The following OSBPL10 variants were observed in gnomAD, a reference collection of about 807,000 sequenced individuals.
The protein encoded by OSBPL10 is oxysterol binding protein like 10, also known as oxysterol-binding protein-related protein 10.
A neutral mutation model predicts 81.7 loss-of-function variants in OSBPL10; 49 were observed. That is an observed-to-expected ratio of 0.60 (90% CI 0.48 to 0.76). The LOEUF (loss-of-function observed/expected upper bound fraction) is 0.76. Among genes scored for constraint, OSBPL10 ranks in the 30% least tolerant of loss-of-function variants. The pLI, the probability that OSBPL10 is intolerant of heterozygous loss-of-function variation, is 0.00. For synonymous variants in OSBPL10, 419 were observed against 383.6 expected (o/e 1.09, Z -1.08); for missense variants, 923 against 987.8 (o/e 0.93, Z 0.88).
At chr3:31,857,501 C>A (rs551394483) in intron 3 of OSBPL10, among the ~76,000 whole-genome samples, 1 of 151,790 alleles carries the variant, frequency 6.6e-6, no homozygotes, top group Admixed American at 6.6e-5. Flanking sequence ...GAAGATAAAA[C>A]GACCAACTCA....
In OSBPL10 at chr3:32,065,995, GAAAGAAAGAA is replaced by G. The variant is rs1699775340; in HGVS notation, n.185+11391_185+11400del. ...AGAAAGAAAGAAAGAAAGAAAGAAA[GAAAGAAAGAA>G]AGAGAAAGAAAGAAAGAAAGAGAGA... On this transcript the variant is annotated intron_variant and non_coding_transcript_variant, in intron 1 of 3. Transcript: ENST00000479173. Among the ~76,000 whole-genome samples the G allele has an allele frequency of 3.2e-5, 2 of 63,386 alleles. 1 individual carries two copies. The highest frequency in any genetic ancestry group is 7.4e-5 in the African/African-American group (2 of 26,982). 41.6% of individuals were successfully genotyped at this position (63,386 alleles called of 152,430 possible). A position where few individuals can be genotyped will look rare whatever the true frequency, so the allele number is the denominator to read the frequency against.
intron 1 of OSBPL10, among the ~76,000 whole-genome samples, chr3:31,908,310 C>T (rs550843193): frequency 6.6e-6 from 1 of 152,260 alleles, no homozygotes; most frequent in South Asian, 2.1e-4. Flanking sequence ...TAGCAGCTCA[C>T]TCTAGAATGA....
At chr3:31,889,443 A>ATACACAATG (rs1365913402) in intron 1 of OSBPL10, among the ~76,000 whole-genome samples, 1 of 152,214 alleles carries the variant, frequency 6.6e-6, no homozygotes, top group Non-Finnish European at 1.5e-5. Context: ...TGTGGTCTAT[A>ATACACAATG]TACACAATGA....
chr3:31,719,759 T>C (rs1902346), intron 6 of OSBPL10, among the ~76,000 whole-genome samples: 83,689 of 151,932 alleles, frequency 0.55, 25,562 homozygotes, highest in African/African-American at 0.82. Flanking sequence ...TAAGTGTACA[T>C]AATATATGTA....
intron 1 of OSBPL10, among the ~76,000 whole-genome samples, chr3:31,925,581 C>T (rs1003230962): frequency 3.3e-5 from 5 of 151,490 alleles, no homozygotes; most frequent in Admixed American, 2.0e-4. Flanking sequence ...GGGAGGCCAA[C>T]GTGGGGAGAT....
chr3:31,843,972 G>A (rs1700567316), intron 3 of OSBPL10, among the ~76,000 whole-genome samples: 1 of 152,176 alleles, frequency 6.6e-6, no homozygotes, highest in Non-Finnish European at 1.5e-5. Context: ...CAAGGGACAG[G>A]GATGCTAGGG....
chr3:31,996,017 A>G lies in OSBPL10; in HGVS notation n.298+50474T>C, dbSNP rs72854179. Among the ~76,000 whole-genome samples the G allele has an allele frequency of 9.5e-3, 1,440 of 152,274 alleles. 27 individuals are homozygous for G. The highest frequency in any genetic ancestry group is 0.032 in the African/African-American group (1,327 of 41,556). Reference sequence around the variant, plus strand: ...TTTCTGAGAAGGAAAATGAAACTCAAAAAAAGGAGACTCCCAGGGTCACAC... The same window carrying G: ...TTTCTGAGAAGGAAAATGAAACTCAGAAAAAGGAGACTCCCAGGGTCACAC... On this transcript the variant is annotated intron_variant and non_coding_transcript_variant, in intron 2 of 3. Coordinates refer to the OSBPL10 transcript ENST00000479173.
intron 8 of OSBPL10, among the ~76,000 whole-genome samples, chr3:31,681,961 G>A (rs761115534): frequency 6.6e-6 from 1 of 152,052 alleles, no homozygotes; most frequent in African/African-American, 2.4e-5. Flanking sequence ...CAGCCCTCAA[G>A]TCTCCCCATC....
intron 4 of OSBPL10, among the ~76,000 whole-genome samples, chr3:31,813,950 C>T (rs1277146748): frequency 2.6e-5 from 4 of 152,300 alleles, no homozygotes; most frequent in Middle Eastern, 3.4e-3. Context: ...AGGAATACAC[C>T]GAGTGGACAC....
chr3:32,075,992 T>A (rs995006801), intron 1 of OSBPL10, among the ~76,000 whole-genome samples: 1 of 152,108 alleles, frequency 6.6e-6, no homozygotes, highest in African/African-American at 2.4e-5. Context: ...ATTCTCCCCA[T>A]CCTTGAGAAT....
intron 1 of OSBPL10, among the ~76,000 whole-genome samples, chr3:31,948,301 C>A (rs1697761897): frequency 6.6e-6 from 1 of 152,128 alleles, no homozygotes; most frequent in African/African-American, 2.4e-5. Context: ...GTCTTTTCAT[C>A]TTTCCATCTC....
At chr3:31,676,395 CA>C (rs1453648481) in intron 8 of OSBPL10, among the ~76,000 whole-genome samples, 147 of 140,874 alleles carry the variant, frequency 1.0e-3, no homozygotes, top group East Asian at 4.2e-3. Flanking sequence ...TAAGAGAAGC[CA>C]AAAAAAAAAA....
At chr3:31,998,580 T>C (rs1387192922) in intron 2 of OSBPL10, among the ~76,000 whole-genome samples, 3 of 152,232 alleles carry the variant, frequency 2.0e-5, no homozygotes, top group African/African-American at 4.8e-5. Flanking sequence ...TCCTTATCTG[T>C]CCCTTTCATT....
intron 2 of OSBPL10, among the ~76,000 whole-genome samples, chr3:32,039,740 A>C (rs925751284): frequency 2.0e-5 from 3 of 152,198 alleles, no homozygotes; most frequent in African/African-American, 7.2e-5. Flanking sequence ...GAAAGTTTAT[A>C]ATTCAAAATA....
At chr3:32,041,103 G>A (rs989786863) in intron 2 of OSBPL10, among the ~76,000 whole-genome samples, 10 of 152,094 alleles carry the variant, frequency 6.6e-5, no homozygotes, top group African/African-American at 9.7e-5. Flanking sequence ...AAATTAGCCC[G>A]GAGCCAGCTT....
At chr3:31,996,943 C>G (rs906562369) in intron 2 of OSBPL10, among the ~76,000 whole-genome samples, 7 of 152,122 alleles carry the variant, frequency 4.6e-5, no homozygotes, top group Non-Finnish European at 8.8e-5. Context: ...CCAGAAGGCT[C>G]CCCACTCACA....
In OSBPL10 at chr3:31,837,370, TATATAGTA is replaced by T. The variant is rs1250179790; in HGVS notation, c.538-7147_538-7140del. Among the ~76,000 whole-genome samples, 337 of 28,802 alleles carry T rather than the reference TATATAGTA, an allele frequency of 0.012. 13 individuals are homozygous for T. In the East Asian group the frequency reaches 0.13, roughly 11 times the overall value. 18.9% of individuals were successfully genotyped at this position (28,802 alleles called of 152,430 possible). A position where few individuals can be genotyped will look rare whatever the true frequency, so the allele number is the denominator to read the frequency against. On this transcript the variant is annotated intron_variant, in intron 3 of 11. Coordinates refer to ENST00000396556, the MANE Select transcript of OSBPL10 (RefSeq NM_017784.5). ...ATATATATATATATATATATATATA[TATATAGTA>T]AGTAACATAACACAGAGACCTTTAA...
intron 2 of OSBPL10, among the ~76,000 whole-genome samples, chr3:32,002,348 G>T (rs1449470879): frequency 6.6e-6 from 1 of 152,158 alleles, no homozygotes; most frequent in African/African-American, 2.4e-5. Context: ...GAACCATAGG[G>T]TATCTCCCCA....
chr3:31,907,965 G>C (rs769756631), intron 1 of OSBPL10, among the ~76,000 whole-genome samples: 6 of 152,182 alleles, frequency 3.9e-5, no homozygotes, highest in Non-Finnish European at 8.8e-5. Context: ...CTGGGAAAAG[G>C]CTGCGGTGGA....
Sources: allele counts gnomAD v4.1 joint callset (sites outside exome capture counted in the v4.1 genomes callset), GRCh38; gene constraint gnomAD v4.1.1; transcripts MANE v1.5; gene names NCBI Gene and HGNC (gene_info 2026-07-23, HGNC 2026-07-21).